UGT2B7: variants seen among roughly 807,000 people sequenced by gnomAD.
The protein encoded by UGT2B7 is UDP-glucuronosyltransferase 2B7.
A neutral mutation model predicts 51.9 loss-of-function variants in UGT2B7; 51 were observed. The ratio of observed to expected loss-of-function variants is 0.98; its 90% CI spans 0.78 to 1.24. The LOEUF is 1.24. UGT2B7 is among the 50% of genes most tolerant of loss of function. UGT2B7 has a pLI of 0.00. For synonymous variants in UGT2B7, 225 were observed against 211.6 expected (o/e 1.06, Z -0.55); for missense variants, 727 against 628.4 (o/e 1.16, Z -1.68).
chr4:69,081,400 C>T (rs1028294300), intron 1 of UGT2B7, among the ~76,000 whole-genome samples: 9 of 152,088 alleles, frequency 5.9e-5, no homozygotes, highest in Admixed American at 3.3e-4. Context: ...ACTTGCCAAT[C>T]TTTGTTTAGC....
chr4:69,078,785 C>G (rs1280126230), intron 1 of UGT2B7, among the ~76,000 whole-genome samples: 1 of 152,136 alleles, frequency 6.6e-6, no homozygotes, highest in Admixed American at 6.6e-5. Flanking sequence ...TGTGATCCAT[C>G]TGGCTATGGA....
chr4:69,092,978 A>G (rs1474320788), upstream of UGT2B7, among the ~76,000 whole-genome samples: 1 of 145,324 alleles, frequency 6.9e-6, no homozygotes, highest in Non-Finnish European at 1.5e-5. Flanking sequence ...AAAAAAAAAA[A>G]CAATATTAAT....
chr4:69,053,423 A>T (rs1257994576), intron 1 of UGT2B7, among the ~76,000 whole-genome samples: 3 of 152,236 alleles, frequency 2.0e-5, no homozygotes, highest in Non-Finnish European at 4.4e-5. Context: ...GTTGAAATAG[A>T]TCAAATATTC....
In UGT2B7 at chr4:69,108,208, A is replaced by C; in HGVS notation, c.1196A>C (p.Gln399Pro). The change falls in exon 5 of 6, where the codon CAA becomes CCA. Residue 399 changes from glutamine (Q) to proline (P), a missense_variant. By Grantham distance (76) the Gln-to-Pro change is moderately conservative. Transcript: ENST00000305231. The stretch of plus-strand genomic sequence containing the variant: ...GTGGGGATTCCATTGTTTGCCGATC[A>C]ACCTGATAACATTGCTCACATGAAG... ...PMVGIPLFAD[Q>P]PDNIAHMKAR... 1 of 1,613,808 alleles carries C rather than the reference A, an allele frequency of 6.2e-7. No individual in the cohort carries two copies. The highest frequency in any genetic ancestry group is 8.5e-7 in the Non-Finnish European group (1 of 1,179,762).
intron 1 of UGT2B7, among the ~76,000 whole-genome samples, chr4:69,055,019 G>A (rs562269194): frequency 5.5e-4 from 78 of 141,828 alleles, no homozygotes; most frequent in African/African-American, 2.0e-3. Flanking sequence ...TGACCAGCCT[G>A]ATGCGTGTTA....
intron 3 of UGT2B7, among the ~76,000 whole-genome samples, chr4:69,105,552 G>T (rs1168714073): frequency 6.6e-6 from 1 of 152,170 alleles, no homozygotes; most frequent in African/African-American, 2.4e-5. Context: ...GTAGCACGTT[G>T]TCTCAGTGTT....
At chr4:69,058,175 A>G (rs892206337) in intron 1 of UGT2B7, among the ~76,000 whole-genome samples, 1 of 152,204 alleles carries the variant, frequency 6.6e-6, no homozygotes, top group African/African-American at 2.4e-5. Context: ...AGAGACAAAA[A>G]GAAAGCCACA....
At chr4:69,070,150 C>T (rs1233242736) in intron 1 of UGT2B7, among the ~76,000 whole-genome samples, 2 of 150,248 alleles carry the variant, frequency 1.3e-5, no homozygotes, top group African/African-American at 4.9e-5. Context: ...ACTAGAAACT[C>T]AGTCTGTTTA....
intron 5 of UGT2B7, among the ~76,000 whole-genome samples, chr4:69,110,876 T>G (rs1199650447): frequency 3.3e-5 from 5 of 152,196 alleles, no homozygotes; most frequent in Non-Finnish European, 7.4e-5. Context: ...TGTATGAATA[T>G]TTATCTTTTG....
intron 1 of UGT2B7, among the ~76,000 whole-genome samples, chr4:69,064,096 G>A (rs1483885720): frequency 8.1e-4 from 61 of 75,708 alleles, no homozygotes; most frequent in Admixed American, 1.4e-3. Context: ...AAGAAAGAAA[G>A]AGAAAGAAAG....
chr4:69,108,088 T>A lies in UGT2B7; in HGVS notation c.1091-15T>A, dbSNP rs373107309. On this transcript the variant is annotated splice_polypyrimidine_tract_variant and intron_variant, in intron 4 of 5. Coordinates refer to ENST00000305231, the MANE Select transcript of UGT2B7 (RefSeq NM_001074.4). ...ATTCCTATGAGTAATTTTGCTAAAA[T>A]TCATCCAATCCTAGGTCATCCAAAG... The A allele has an allele frequency of 1.4e-4, 220 of 1,612,554 alleles. No homozygotes were observed. The highest frequency in any genetic ancestry group is 1.1e-4 in the Non-Finnish European group (124 of 1,179,224).
chr4:69,100,671 T>TG (rs1193645081), intron 2 of UGT2B7, among the ~76,000 whole-genome samples: 1 of 151,758 alleles, frequency 6.6e-6, no homozygotes, highest in Non-Finnish European at 1.5e-5. Context: ...GAATAGGAGG[T>TG]GTAGAAGGAC....
chr4:69,076,760 T>G lies in UGT2B7; in HGVS notation c.-158-12712T>G, dbSNP rs559686093. Among the ~76,000 whole-genome samples the G allele has an allele frequency of 2.6e-5, 4 of 152,370 alleles. No individual in the cohort carries two copies. In the South Asian group the frequency reaches 8.3e-4, roughly 32 times the overall value. On this transcript the variant is annotated intron_variant, in intron 1 of 5. Coordinates refer to the UGT2B7 transcript ENST00000502942. ...CTCTTCACTCTGATGATAGTTTATT[T>G]TGCTGTGCAGAAGCTCTTTAGTTTA... is the stretch of plus-strand genomic sequence containing the variant.
intron 1 of UGT2B7, among the ~76,000 whole-genome samples, chr4:69,068,296 T>A (rs950392607): frequency 6.6e-6 from 1 of 151,976 alleles, no homozygotes; most frequent in African/African-American, 2.4e-5. Flanking sequence ...AAATTTGCCT[T>A]CAAAAATTAT....
At position 69,059,173 on chromosome 4, in the gene UGT2B7, C is replaced by T. The variant is rs186142920; in HGVS notation, c.-159+7571C>T. Among the ~76,000 whole-genome samples the T allele has an allele frequency of 3.3e-5, 5 of 152,280 alleles. No homozygotes were observed. The East Asian group carries it at 7.7e-4, about 24-fold the overall frequency. ...CCATGGCCAGATTGGAAGTTAGAGG[C>T]CAGCTAATGGACTTTATGGTAGACA... On this transcript the variant is annotated intron_variant, in intron 1 of 5. Coordinates refer to the UGT2B7 transcript ENST00000502942.
intron 2 of UGT2B7, among the ~76,000 whole-genome samples, chr4:69,100,026 T>C (rs1434941872): frequency 6.6e-6 from 1 of 152,050 alleles, no homozygotes; most frequent in Non-Finnish European, 1.5e-5. Flanking sequence ...TCCTTTAATA[T>C]TTGCAGACAA....
chr4:69,083,471 G>A (rs1718880176), intron 1 of UGT2B7, among the ~76,000 whole-genome samples: 1 of 151,906 alleles, frequency 6.6e-6, no homozygotes, highest in African/African-American at 2.4e-5. Context: ...AATATTAACA[G>A]GAGTTTGGAA....
chr4:69,088,832 C>T (rs1039373971), intron 1 of UGT2B7, among the ~76,000 whole-genome samples: 4 of 152,080 alleles, frequency 2.6e-5, no homozygotes, highest in Admixed American at 2.0e-4. Flanking sequence ...GCTTCCCAAA[C>T]CAAAAAGATT....
At chr4:69,071,340 C>T (rs532789757) in intron 1 of UGT2B7, among the ~76,000 whole-genome samples, 50 of 152,128 alleles carry the variant, frequency 3.3e-4, no homozygotes, top group African/African-American at 1.0e-3. Context: ...TTATTCTCTC[C>T]TCGTAACATA....
Sources: allele counts gnomAD v4.1 joint callset (sites outside exome capture counted in the v4.1 genomes callset), GRCh38; gene constraint gnomAD v4.1.1; transcripts MANE v1.5; gene names NCBI Gene and HGNC (gene_info 2026-07-23, HGNC 2026-07-21).